Variants in CDCA2 observed in about 807,000 individuals in gnomAD.
CDCA2 encodes cell division cycle associated 2, also known as cell division cycle-associated protein 2.
Under a neutral mutation model 67.0 loss-of-function variants are expected in CDCA2, and 44 were observed. That is an observed-to-expected ratio of 0.66 (90% confidence interval 0.52 to 0.84). The LOEUF is 0.84. Among genes scored for constraint, CDCA2 ranks in the 40% least tolerant of loss-of-function variants. The probability of loss-of-function intolerance (pLI) is 0.00; values close to 1 mark genes in which losing one functional copy is unlikely to be tolerated. For missense variants in CDCA2, 1,253 were observed against 1,203.2 expected (o/e 1.04, Z -0.61); for synonymous variants, 447 against 418.7 (o/e 1.07, Z -0.82).
At chr8:25,475,245 G>T (rs1029009807) in intron 7 of CDCA2, among the ~76,000 whole-genome samples, 4 of 152,224 alleles carry the variant, frequency 2.6e-5, no homozygotes, top group Non-Finnish European at 4.4e-5. Flanking sequence ...TTTGGGCTGG[G>T]TGTAGTGGCT....
rs878905840 is a variant in CDCA2 at position 25,479,882 on chromosome 8, T to C, written c.821-31T>C. On this transcript the variant is annotated intron_variant, in intron 7 of 14. Coordinates refer to ENST00000330560, the MANE Select transcript of CDCA2 (RefSeq NM_152562.4). Reference sequence around the variant, plus strand: ...GAACAAACAGATTTAAGAGATCTTCTGCCTCTCAAGTTTACATGTTTATCT... The same window carrying C: ...GAACAAACAGATTTAAGAGATCTTCCGCCTCTCAAGTTTACATGTTTATCT... The C allele has an allele frequency of 5.0e-6, 8 of 1,595,710 alleles. No individual in the cohort carries two copies. The South Asian group carries it at 6.6e-5, about 13-fold the overall frequency.
intron 4 of CDCA2, among the ~76,000 whole-genome samples, 185 bp downstream of exon 4, chr8:25,462,393 G>A (rs1802730672): frequency 6.6e-6 from 1 of 152,182 alleles, no homozygotes; most frequent in Non-Finnish European, 1.5e-5. Flanking sequence ...CTGGGAGGCT[G>A]AGGCAGGCAG....
At chr8:25,495,176 G>A (rs1332595384) in intron 13 of CDCA2, among the ~76,000 whole-genome samples, 1 of 152,168 alleles carries the variant, frequency 6.6e-6, no homozygotes, top group Admixed American at 6.5e-5. Context: ...TAGGGAGAAG[G>A]GAGGAGACAG....
At chr8:25,466,059 G>C (rs754126317) in intron 4 of CDCA2, 116 bp from the exon 5 acceptor site, 10 of 873,822 alleles carry the variant, frequency 1.1e-5, no homozygotes, top group African/African-American at 1.8e-5. Flanking sequence ...CCTTACCGCT[G>C]ATCTTCAAAA....
intron 13 of CDCA2, among the ~76,000 whole-genome samples, chr8:25,494,469 C>T (rs1300183940): frequency 6.6e-6 from 1 of 152,078 alleles, no homozygotes; most frequent in East Asian, 1.9e-4. Context: ...TGTATTTTTA[C>T]AGTATAATGC....
At chr8:25,479,604 C>T (rs1257840241) in intron 7 of CDCA2, 3 of 370,238 alleles carry the variant, frequency 8.1e-6, no homozygotes, top group African/African-American at 4.1e-5. Flanking sequence ...AGTAGAGGCA[C>T]GCTAATAGCT....
In CDCA2 at chr8:25,460,314, T is replaced by G; in HGVS notation, c.61+14T>G. 6.2e-7 allele frequency: 1 copy of G among 1,614,190 alleles called. No homozygotes were observed. The highest frequency in any genetic ancestry group is 8.5e-7 in the Non-Finnish European group (1 of 1,179,998). The stretch of plus-strand genomic sequence containing the variant: ...TGAATAATGCTGGTATGTGATGATC[T>G]GCCTCCTTGTGAAGTTGAAGGTTTA... On this transcript the variant is annotated intron_variant, in intron 2 of 14. Coordinates refer to ENST00000330560, the MANE Select transcript of CDCA2 (RefSeq NM_152562.4).
Position 25,506,764 on chromosome 8 carries a change from A to G in CDCA2, c.2098A>G (p.Ser700Gly). The change falls in exon 15 of 15, where the codon AGT becomes GGT. Residue 700 changes from serine (S) to glycine (G), a missense_variant. By Grantham distance (56) the Ser-to-Gly change is moderately conservative (BLOSUM62 0). Transcript: ENST00000330560. ...NIPKAKNKSE[S>G]ENEPKAGTDS... ...TCCAAAAGCAAAAAATAAGTCAGAA[A>G]GTGAAAATGAACCAAAAGCTGGAAC... The G allele has an allele frequency of 6.2e-7, 1 of 1,613,686 alleles. No individual in the cohort carries two copies. Among genetic ancestry groups the G allele is most frequent in the Middle Eastern group, 1.7e-4 (1 of 6,060 alleles).
chr8:25,478,676 A>G (rs1045869326), intron 7 of CDCA2, among the ~76,000 whole-genome samples: 1 of 152,062 alleles, frequency 6.6e-6, no homozygotes, highest in Non-Finnish European at 1.5e-5. Context: ...TATGCCAGGT[A>G]CATCTTTACC....
chr8:25,500,911 A>T (rs141287894), intron 13 of CDCA2, among the ~76,000 whole-genome samples: 118 of 152,306 alleles, frequency 7.7e-4, no homozygotes, highest in African/African-American at 2.7e-3. Flanking sequence ...CAGTTAAGTA[A>T]CAGAGTCAAG....
chr8:25,494,686 G>A (rs1804144305), intron 13 of CDCA2, among the ~76,000 whole-genome samples: 1 of 152,164 alleles, frequency 6.6e-6, no homozygotes, highest in African/African-American at 2.4e-5. Context: ...GGACTGAATT[G>A]TGTCCCTTCC....
At chr8:25,463,801 C>T (rs552070984) in intron 4 of CDCA2, among the ~76,000 whole-genome samples, 1 of 152,294 alleles carries the variant, frequency 6.6e-6, no homozygotes, top group African/African-American at 2.4e-5. Context: ...ACACCCCTTC[C>T]TGATGCCTTC....
intron 13 of CDCA2, among the ~76,000 whole-genome samples, chr8:25,493,200 C>A (rs1804080778): frequency 6.6e-6 from 1 of 151,888 alleles, no homozygotes; most frequent in Non-Finnish European, 1.5e-5. Flanking sequence ...ACTGAAGAGC[C>A]ACAATTAACA....
chr8:25,485,928 T>A (rs564484320), intron 11 of CDCA2, 91 bp downstream of exon 11: 1 of 688,914 alleles, frequency 1.5e-6, no homozygotes, highest in South Asian at 2.1e-5. Context: ...ATTTCATATT[T>A]GTTACCACAA....
chr8:25,483,360 C>A, intron 8 of CDCA2, 39 bp from the exon 9 acceptor site: 1 of 1,346,870 alleles, frequency 7.4e-7, no homozygotes, highest in Non-Finnish European at 1.0e-6. Flanking sequence ...CTATGTATTT[C>A]TATATGTAAA....
rs1353873659 is a variant in CDCA2 at position 25,460,365 on chromosome 8, A to G, written c.62-19A>G. The G allele has an allele frequency of 9.3e-6, 15 of 1,614,142 alleles. No individual in the cohort carries two copies. The highest frequency in any genetic ancestry group is 1.3e-5 in the Non-Finnish European group (15 of 1,180,014). On this transcript the variant is annotated intron_variant, in intron 2 of 14. Transcript: ENST00000330560. Reference sequence around the variant, plus strand: ...GACAGAGAGTTGTCCTCACCCCTACAATATGTCGTCCGTTTCAGGAAATGC... The same window carrying G: ...GACAGAGAGTTGTCCTCACCCCTACGATATGTCGTCCGTTTCAGGAAATGC...
At chr8:25,484,922 A>C (rs778125382) in intron 10 of CDCA2, among the ~76,000 whole-genome samples, 3 of 152,184 alleles carry the variant, frequency 2.0e-5, no homozygotes, top group Non-Finnish European at 4.4e-5. Flanking sequence ...CAGGCATTAT[A>C]AGAGAAGAAA....
rs1157986328 is a variant in CDCA2 at position 25,469,979 on chromosome 8, T to C, written c.819T>C (p.Asn273=). The change falls in exon 7 of 15, where the codon AAT becomes AAC. Residue 273 remains asparagine (N), a splice_region_variant and synonymous_variant. Coordinates refer to ENST00000330560, the MANE Select transcript of CDCA2 (RefSeq NM_152562.4). The stretch of plus-strand genomic sequence containing the variant: ...TTTCAGAGCTCACAGAGACTTCAAA[T>C]GGTAAGTAATCTTTTCTTAGTACAT... ...LPLSELTETS[N]ALKVADCVVG... is the part of the protein sequence containing the mutation. The C allele has an allele frequency of 1.3e-6, 2 of 1,596,286 alleles. No individual in the cohort carries two copies. Among genetic ancestry groups the C allele is most frequent in the Non-Finnish European group, 1.7e-6 (2 of 1,164,918 alleles).
intron 7 of CDCA2, among the ~76,000 whole-genome samples, chr8:25,471,950 C>T (rs1046718106): frequency 2.0e-5 from 3 of 152,144 alleles, no homozygotes; most frequent in East Asian, 1.9e-4. Flanking sequence ...TTTTAAACTG[C>T]GTTGTTTTTT....
Sources: gnomAD v4.1 joint callset for allele counts (sites outside exome capture counted in the v4.1 genomes callset) on GRCh38, gnomAD v4.1.1 for gene constraint, MANE v1.5 for transcripts, NCBI Gene and HGNC (gene_info 2026-07-23, HGNC 2026-07-21) for gene names.